The following HS6ST3 variants were observed in gnomAD, a reference collection of about 807,000 sequenced individuals.
HS6ST3 encodes heparan-sulfate 6-O-sulfotransferase 3.
In HS6ST3, 12 loss-of-function variants were observed where a neutral mutation model predicts 36.7. That is an observed-to-expected ratio of 0.33 (90% CI 0.21 to 0.53). The LOEUF (loss-of-function observed/expected upper bound fraction) is 0.53. Ranked by LOEUF, HS6ST3 falls within the 20% of genes least tolerant of loss-of-function variation. The probability of loss-of-function intolerance (pLI) is 0.95; values close to 1 mark genes in which losing one functional copy is unlikely to be tolerated. For missense variants in HS6ST3, 584 were observed against 640.9 expected (o/e 0.91, Z 0.96); for synonymous variants, 240 against 257.5 (o/e 0.93, Z 0.65).
At position 96,479,372 on chromosome 13, in the gene HS6ST3, C is replaced by T. The variant is rs141458999; in HGVS notation, c.708-353118C>T. On this transcript the variant is annotated intron_variant, in intron 1 of 1. Coordinates refer to ENST00000376705, the MANE Select transcript of HS6ST3 (RefSeq NM_153456.4). Reference sequence around the variant, plus strand: ...CAGGAGATGCACATGGAGAGGGGAACGATTAGGAGGCCCTTGAAGGCCATG... The same window carrying T: ...CAGGAGATGCACATGGAGAGGGGAATGATTAGGAGGCCCTTGAAGGCCATG... Among the ~76,000 whole-genome samples the T allele has an allele frequency of 6.1e-3, 926 of 152,130 alleles. 15 individuals are homozygous for T. Among genetic ancestry groups the T allele is most frequent in the African/African-American group, 0.021 (856 of 41,494 alleles).
intron 1 of HS6ST3, among the ~76,000 whole-genome samples, chr13:96,355,591 C>T (rs1347979668): frequency 1.3e-5 from 2 of 151,990 alleles, no homozygotes; most frequent in Admixed American, 6.6e-5. Context: ...TAAAAATGTA[C>T]TTACATTATT....
At chr13:96,739,212 C>T (rs1253969134) in intron 1 of HS6ST3, among the ~76,000 whole-genome samples, 1 of 139,768 alleles carries the variant, frequency 7.2e-6, no homozygotes, top group East Asian at 2.2e-4. Flanking sequence ...TCTCTATCGA[C>T]ATTTGCTTGT....
rs1879013413 is a variant in HS6ST3, at chr13:96,839,341, T to C, written c.*6143T>C. 1 of 152,224 alleles carries C rather than the reference T, an allele frequency of 6.6e-6. No individual in the cohort carries two copies. The highest frequency in any genetic ancestry group is 1.5e-5 in the Non-Finnish European group (1 of 68,042). The allele number at this position is 152,224 out of a possible 1,614,324, so 9.4% of individuals were successfully genotyped here. ...TGTGGGGACCTATTTTACATGTAGA[T>C]AGTTATTCAGTAGATAGTAAATTAT... On this transcript the variant is annotated 3_prime_UTR_variant, in exon 2 of 2. Coordinates refer to ENST00000376705, the MANE Select transcript of HS6ST3 (RefSeq NM_153456.4).
At chr13:96,387,724 C>A (rs904906236) in intron 1 of HS6ST3, among the ~76,000 whole-genome samples, 6 of 152,154 alleles carry the variant, frequency 3.9e-5, no homozygotes, top group Admixed American at 3.9e-4. Context: ...ATCATCTTCC[C>A]CATGCAGAAT....
At chr13:96,671,089 A>G (rs1358932631) in intron 1 of HS6ST3, among the ~76,000 whole-genome samples, 5 of 152,124 alleles carry the variant, frequency 3.3e-5, no homozygotes, top group African/African-American at 1.2e-4. Flanking sequence ...TATGACTAGA[A>G]GGGACCCCCT....
chr13:96,532,005 C>T (rs2056137466), intron 1 of HS6ST3, among the ~76,000 whole-genome samples: 1 of 152,200 alleles, frequency 6.6e-6, no homozygotes. Context: ...CCTCCCAAAG[C>T]CGATGTGTTA....
intron 1 of HS6ST3, among the ~76,000 whole-genome samples, chr13:96,470,076 A>G (rs1269811909): frequency 6.6e-6 from 1 of 152,198 alleles, no homozygotes; most frequent in Non-Finnish European, 1.5e-5. Flanking sequence ...TGAGAGTTGT[A>G]AAAGAAAACC....
chr13:96,602,958 A>G (rs186437197), intron 1 of HS6ST3, among the ~76,000 whole-genome samples: 3 of 152,102 alleles, frequency 2.0e-5, no homozygotes, highest in Non-Finnish European at 4.4e-5. Context: ...ACCCTCTTCA[A>G]TGTGTCTTTT....
rs2054926472 is a variant in HS6ST3 at position 96,308,836 on chromosome 13, T to C, written c.707+217267T>C. Among the ~76,000 whole-genome samples, 5 of 152,108 alleles carry C rather than the reference T, an allele frequency of 3.3e-5. No homozygotes were observed. In the South Asian group the frequency reaches 1.0e-3, roughly 31 times the overall value. On this transcript the variant is annotated intron_variant, in intron 1 of 1. Coordinates refer to ENST00000376705, the MANE Select transcript of HS6ST3 (RefSeq NM_153456.4). ...ATTTGCTGTCTAGTGGTACGCATGA[T>C]ATAGTCTGTTATAATGGGAAAATTG...
At chr13:96,418,513 C>T (rs983119021) in intron 1 of HS6ST3, among the ~76,000 whole-genome samples, 2 of 152,142 alleles carry the variant, frequency 1.3e-5, no homozygotes, top group African/African-American at 4.8e-5. Flanking sequence ...ATTTTTGGCT[C>T]CAGGCAGGGA....
intron 1 of HS6ST3, among the ~76,000 whole-genome samples, chr13:96,677,683 T>C (rs2056703485): frequency 6.6e-6 from 1 of 152,168 alleles, no homozygotes; most frequent in Non-Finnish European, 1.5e-5. Context: ...ATATTATTAG[T>C]AATGCTGTAC....
At chr13:96,736,023 C>T (rs9300364) in intron 1 of HS6ST3, among the ~76,000 whole-genome samples, 11,493 of 151,992 alleles carry the variant, frequency 0.076, 774 homozygotes, top group African/African-American at 0.17. Flanking sequence ...ATGATGAGAA[C>T]ACATCAACAC....
At position 96,833,122 on chromosome 13, in the gene HS6ST3, A is replaced by G. The variant is rs202239358; in HGVS notation, c.1340A>G (p.His447Arg). 1 of 1,602,838 alleles carries G rather than the reference A, an allele frequency of 6.2e-7. No homozygotes were observed. Among genetic ancestry groups the G allele is most frequent in the African/African-American group, 1.3e-5 (1 of 75,018 alleles). The change falls in exon 2 of 2, where the codon CAC becomes CGC. Residue 447 changes from histidine (H) to arginine (R), a missense_variant. Around this residue, in one of 3 missense-constraint regions of HS6ST3, gnomAD observed 360 missense variants for 411.3 expected, o/e 0.88. Transcript: ENST00000376705. The part of the protein sequence containing the change: ...ERRLQREHRD[H>R]QWPKEDGAAE... ...AGGCTGCAGCGAGAGCACAGGGACC[A>G]CCAGTGGCCCAAAGAAGATGGGGCT...
At chr13:96,454,640 T>A (rs917686314) in intron 1 of HS6ST3, among the ~76,000 whole-genome samples, 2 of 151,924 alleles carry the variant, frequency 1.3e-5, no homozygotes, top group African/African-American at 4.8e-5. Context: ...CTTAAAACAT[T>A]TAGGTTTTTT....
At chr13:96,740,198 A>G (rs980408937) in intron 1 of HS6ST3, among the ~76,000 whole-genome samples, 14 of 152,130 alleles carry the variant, frequency 9.2e-5, no homozygotes, top group African/African-American at 3.1e-4. Flanking sequence ...GGTACGTGAT[A>G]CTGACTCTCG....
At chr13:96,538,555 T>C (rs2056164938) in intron 1 of HS6ST3, among the ~76,000 whole-genome samples, 1 of 152,216 alleles carries the variant, frequency 6.6e-6, no homozygotes, top group African/African-American at 2.4e-5. Context: ...GTGATTCTCA[T>C]GCCTTGGCCT....
At chr13:96,345,635 G>C (rs2055150419) in intron 1 of HS6ST3, among the ~76,000 whole-genome samples, 1 of 152,092 alleles carries the variant, frequency 6.6e-6, no homozygotes, top group Non-Finnish European at 1.5e-5. Context: ...AACCTATTTG[G>C]CACCAGGGAC....
chr13:96,186,022 T>A (rs2054263417), intron 1 of HS6ST3, among the ~76,000 whole-genome samples: 1 of 152,206 alleles, frequency 6.6e-6, no homozygotes, highest in South Asian at 2.1e-4. Context: ...TGTATGTATG[T>A]GTGGATATAA....
At chr13:96,656,182 C>T (rs1281360712) in intron 1 of HS6ST3, among the ~76,000 whole-genome samples, 1 of 152,060 alleles carries the variant, frequency 6.6e-6, no homozygotes, top group African/African-American at 2.4e-5. Context: ...TTGTAAAATG[C>T]AAGCAAAATA....
Sources: gnomAD v4.1 joint callset for allele counts (sites outside exome capture counted in the v4.1 genomes callset) on GRCh38, gnomAD v4.1.1 for gene constraint, gnomAD v4.1.1 regional missense constraint, MANE v1.5 for transcripts, NCBI Gene and HGNC (gene_info 2026-07-23, HGNC 2026-07-21) for gene names.